The following EPB41L1 variants were observed in gnomAD, a reference collection of about 807,000 sequenced individuals.
EPB41L1 encodes band 4.1-like protein 1.
A neutral mutation model predicts 97.8 loss-of-function variants in EPB41L1; 29 were observed. The ratio of observed to expected loss-of-function variants is 0.30; its 90% CI spans 0.22 to 0.40. The LOEUF (loss-of-function observed/expected upper bound fraction) is 0.40, where lower values mean the gene tolerates loss of function less well. Ranked by LOEUF, EPB41L1 falls within the 10% of genes least tolerant of loss-of-function variation. The pLI is 1.00. For missense variants in EPB41L1, 812 were observed against 1,162.3 expected (o/e 0.70, Z 4.38); for synonymous variants, 383 against 459.2 (o/e 0.83, Z 2.12).
chr20:36,154,887 C>A lies in EPB41L1; in HGVS notation c.-24C>A. The A allele has an allele frequency of 9.7e-7, 1 of 1,028,438 alleles. No individual in the cohort carries two copies. The highest frequency in any genetic ancestry group is 1.2e-6 in the Non-Finnish European group (1 of 855,636). The allele number at this position is 1,028,438 out of a possible 1,614,324, so 63.7% of individuals were successfully genotyped here. A position where few individuals can be genotyped will look rare whatever the true frequency, so the allele number is the denominator to read the frequency against. On this transcript the variant is annotated 5_prime_UTR_variant, in exon 1 of 22. Coordinates refer to ENST00000338074, the MANE Select transcript of EPB41L1 (RefSeq NM_012156.2). The surrounding 1 kb of genome is among the most constrained non-coding windows in gnomAD (Gnocchi z 5.5). Reference sequence around the variant, plus strand: ...CCCAACCTGCCCGACATGGGGAACCCCGGGCCCAGGTAGGCACATGGGGGA... The same window carrying A: ...CCCAACCTGCCCGACATGGGGAACCACGGGCCCAGGTAGGCACATGGGGGA...
chr20:36,119,654 G>T (rs942424465), intron 2 of EPB41L1, among the ~76,000 whole-genome samples: 23 of 150,498 alleles, frequency 1.5e-4, no homozygotes, highest in African/African-American at 5.1e-4. Context: ...GAGGAGGGGA[G>T]GGGAGGGGAG....
intron 2 of EPB41L1, among the ~76,000 whole-genome samples, chr20:36,135,985 A>G (rs1375966346): frequency 2.0e-5 from 3 of 152,182 alleles, no homozygotes; most frequent in African/African-American, 7.2e-5. Context: ...AAGGGCGTGC[A>G]TATGAGGTGA....
At position 36,175,729 on chromosome 20, in the gene EPB41L1, G is replaced by T; in HGVS notation, c.342+14G>T. The T allele has an allele frequency of 6.2e-7, 1 of 1,613,786 alleles. No homozygotes were observed. On this transcript the variant is annotated intron_variant, in intron 3 of 21. Transcript: ENST00000338074. ...TGTGAGGTGGAGGTAGGGGAGCACT[G>T]AGTGCCATATGTCCCGTCCCCGGTC...
At chr20:36,192,350 G>T (rs2061995338) in intron 11 of EPB41L1, among the ~76,000 whole-genome samples, 2 of 151,898 alleles carry the variant, frequency 1.3e-5, no homozygotes, top group South Asian at 4.2e-4. Flanking sequence ...GGCCAACATG[G>T]TGAAACCTCG....
At chr20:36,133,102 G>T (rs1186132659) in intron 2 of EPB41L1, among the ~76,000 whole-genome samples, 1 of 152,264 alleles carries the variant, frequency 6.6e-6, no homozygotes, top group Non-Finnish European at 1.5e-5. Context: ...TATGTAGCTG[G>T]TGAGAGGGCC....
In EPB41L1 at chr20:36,188,411, G is replaced by A. The variant is rs772798907; in HGVS notation, c.938G>A (p.Arg313Gln). Residue 313 changes from arginine to glutamine, a missense_variant, in exon 9 of 22, where the codon CGG becomes CAG. Arg to Gln is a conservative substitution (Grantham distance 43). Transcript: ENST00000338074. ...CANGLLIYRD[R>Q]LRINRFAWPK... The stretch of plus-strand genomic sequence containing the variant: ...AATGGCCTGCTCATCTACCGGGACC[G>A]GCTGAGAATCAACCGCTTTGCCTGG... 3.1e-6 allele frequency: 5 copies of A among 1,613,844 alleles called. No homozygotes were observed. Among genetic ancestry groups the A allele is most frequent in the Non-Finnish European group, 2.5e-6 (3 of 1,180,012 alleles).
chr20:36,109,048 ACT>A (rs1158207176), intron 1 of EPB41L1, among the ~76,000 whole-genome samples: 1 of 145,896 alleles, frequency 6.9e-6, no homozygotes, highest in Non-Finnish European at 1.5e-5. Flanking sequence ...GATTCACACC[ACT>A]CTCTCACCTC....
At chr20:36,141,969 G>T (rs903550921) in intron 2 of EPB41L1, among the ~76,000 whole-genome samples, 1 of 126,014 alleles carries the variant, frequency 7.9e-6, no homozygotes, top group Admixed American at 7.1e-5. Context: ...TTAACCAGGC[G>T]TGGTGGCGGG....
Position 36,173,996 on chromosome 20 carries a change from C to A in EPB41L1, c.177+42C>A, listed in dbSNP as rs2590974. On this transcript the variant is annotated intron_variant, in intron 2 of 21. Transcript: ENST00000338074. ...ATGGGCGTACCTTTCCTGCCCAGAC[C>A]GTCCTCCAGGTCCAGTTCTTAGGGC... 26 of 1,580,912 alleles carry A rather than the reference C, an allele frequency of 1.6e-5. 1 individual carries two copies. Among genetic ancestry groups the A allele is most frequent in the African/African-American group, 1.2e-4 (9 of 74,192 alleles).
chr20:36,178,689 G>T lies in EPB41L1; in HGVS notation c.490+17G>T. Reference sequence around the variant, plus strand: ...AGATCCGGAGTGAGTGGCTTGTTGTGTTTGGGGAGGTGGGTGGGTGAGGGG... The same window carrying T: ...AGATCCGGAGTGAGTGGCTTGTTGTTTTTGGGGAGGTGGGTGGGTGAGGGG... On this transcript the variant is annotated intron_variant, in intron 5 of 21. Coordinates refer to ENST00000338074, the MANE Select transcript of EPB41L1 (RefSeq NM_012156.2). 1 of 1,613,946 alleles carries T rather than the reference G, an allele frequency of 6.2e-7. No homozygotes were observed. Among genetic ancestry groups the T allele is most frequent in the Non-Finnish European group, 8.5e-7 (1 of 1,179,864 alleles).
chr20:36,231,237 AG>A lies in EPB41L1; in HGVS notation c.*1899del, dbSNP rs2064477444. On this transcript the variant is annotated 3_prime_UTR_variant, in exon 22 of 22. Coordinates refer to ENST00000338074, the MANE Select transcript of EPB41L1 (RefSeq NM_012156.2). ...CTCTCTGCCACACGTGGGCTTCCTCAGGCTTGTCTGCCACAAGCTACTTCTC... is the reference window on the plus strand; with the variant it reads ...CTCTCTGCCACACGTGGGCTTCCTCAGCTTGTCTGCCACAAGCTACTTCTC... 1.3e-5 allele frequency: 2 copies of A among 152,222 alleles called. No homozygotes were observed. Among genetic ancestry groups the A allele is most frequent in the Non-Finnish European group, 1.5e-5 (1 of 68,038 alleles). 9.4% of individuals were successfully genotyped at this position (152,222 alleles called of 1,614,324 possible).
intron 2 of EPB41L1, among the ~76,000 whole-genome samples, chr20:36,124,219 C>T: frequency 6.6e-6 from 1 of 152,186 alleles, no homozygotes; most frequent in Non-Finnish European, 1.5e-5. Context: ...CGCGCCACTG[C>T]ACTCCAGCCT....
intron 17 of EPB41L1, 101 bp from the exon 18 acceptor site, chr20:36,218,775 C>A: frequency 9.5e-7 from 1 of 1,050,530 alleles, no homozygotes; most frequent in Non-Finnish European, 1.5e-6. Flanking sequence ...ATTATTTCTA[C>A]TCAACCTTGT....
intron 1 of EPB41L1, among the ~76,000 whole-genome samples, chr20:36,098,416 G>T (rs925017023): frequency 1.3e-5 from 2 of 152,132 alleles, no homozygotes; most frequent in African/African-American, 4.8e-5. Flanking sequence ...TGAAATCCAG[G>T]TGTCAGCAAG....
At chr20:36,123,107 C>A (rs2058813392) in intron 2 of EPB41L1, among the ~76,000 whole-genome samples, 1 of 151,982 alleles carries the variant, frequency 6.6e-6, no homozygotes, top group African/African-American at 2.4e-5. Flanking sequence ...TAGGCCCCCT[C>A]CCATGCTCCA....
intron 5 of EPB41L1, among the ~76,000 whole-genome samples, chr20:36,179,667 TC>T (rs1160625429): frequency 6.6e-6 from 1 of 152,172 alleles, no homozygotes; most frequent in Non-Finnish European, 1.5e-5. Context: ...CCAGGGCCCC[TC>T]CCCCTTGGCT....
rs142640473 is a variant in EPB41L1, at chr20:36,093,688, CGT to C, written c.-65+2091_-65+2092del. Among the ~76,000 whole-genome samples, 8,060 of 146,546 alleles carry C rather than the reference CGT, an allele frequency of 0.055. 629 individuals are homozygous for C. Among genetic ancestry groups the C allele is most frequent in the African/African-American group, 0.19 (7,283 of 39,190 alleles). On this transcript the variant is annotated intron_variant, in intron 1 of 19. Transcript: ENST00000202028. This position sits in a 1 kb window ranked among gnomAD's most constrained non-coding sequence, Gnocchi z 5.4. Reference sequence around the variant, plus strand: ...TGAAGCCCGTGTGCGTGCGTGCGTGCGTGTGTGTGTGTGTGTATGTGTATGCG... The same window carrying C: ...TGAAGCCCGTGTGCGTGCGTGCGTGCGTGTGTGTGTGTGTATGTGTATGCG...
At chr20:36,157,992 C>T (rs1039164269) in intron 1 of EPB41L1, among the ~76,000 whole-genome samples, 1 of 152,140 alleles carries the variant, frequency 6.6e-6, no homozygotes, top group African/African-American at 2.4e-5. Context: ...ATGTGCCAGG[C>T]CCAGTTTTAA....
In EPB41L1 at chr20:36,207,168, G is replaced by C; in HGVS notation, c.1669-2320G>C. The C allele has an allele frequency of 7.8e-7, 1 of 1,288,836 alleles. No homozygotes were observed. Among genetic ancestry groups the C allele is most frequent in the South Asian group, 1.2e-5 (1 of 80,992 alleles). 79.8% of individuals were successfully genotyped at this position (1,288,836 alleles called of 1,614,324 possible). On this transcript the variant is annotated intron_variant, in intron 14 of 21. Transcript: ENST00000338074. This position sits in a 1 kb window ranked among gnomAD's most constrained non-coding sequence, Gnocchi z 4.9. ...GCCCAACCTCCCATGGGTCAGGGGA[G>C]CCTTCGGAGCTCAGGGAGCCCTTTC...
Sources: gnomAD v4.1 joint callset for allele counts (sites outside exome capture counted in the v4.1 genomes callset) on GRCh38, gnomAD v4.1.1 for gene constraint, Gnocchi (gnomAD v3.1) non-coding constraint, MANE v1.5 for transcripts, NCBI Gene and HGNC (gene_info 2026-07-23, HGNC 2026-07-21) for gene names.